Variants in NR5A2 observed in about 807,000 individuals in gnomAD.
The protein encoded by NR5A2 is nuclear receptor subfamily 5 group A member 2, also known as CYP7A promoter-binding factor.
Under a neutral mutation model 62.7 loss-of-function variants are expected in NR5A2, and 26 were observed. That is an observed-to-expected ratio of 0.41 (90% CI 0.30 to 0.58). The LOEUF is 0.58. Among genes scored for constraint, NR5A2 ranks in the 20% least tolerant of loss-of-function variants. The pLI, the probability that NR5A2 is intolerant of heterozygous loss-of-function variation, is 0.22. For synonymous variants in NR5A2, 246 were observed against 241.7 expected (o/e 1.02, Z -0.16); for missense variants, 541 against 669.1 (o/e 0.81, Z 2.11).
At chr1:200,133,542 TATATACAC>T (rs1409923035) in intron 7 of NR5A2, among the ~76,000 whole-genome samples, 1,670 of 54,096 alleles carry the variant, frequency 0.031, 26 homozygotes, top group African/African-American at 0.073. Flanking sequence ...CACATATATA[TATATACAC>T]ATATATACAC....
intron 7 of NR5A2, among the ~76,000 whole-genome samples, chr1:200,162,396 A>G (rs1008744516): frequency 6.6e-6 from 1 of 152,188 alleles, no homozygotes; most frequent in Non-Finnish European, 1.5e-5. Context: ...GGCCAGGCAC[A>G]TTCAAGAAAC....
intron 5 of NR5A2, among the ~76,000 whole-genome samples, chr1:200,049,185 A>G (rs1241141730): frequency 6.6e-6 from 1 of 152,202 alleles, no homozygotes; most frequent in Non-Finnish European, 1.5e-5. Context: ...GAAAATTACC[A>G]TGTAAAGAGC....
At chr1:200,070,736 G>T (rs1157404131) in intron 5 of NR5A2, among the ~76,000 whole-genome samples, 1 of 150,442 alleles carries the variant, frequency 6.6e-6, no homozygotes, top group Admixed American at 6.6e-5. Context: ...TCAAAAATCT[G>T]TTCCAACCCC....
chr1:200,142,380 A>G (rs777356191), intron 7 of NR5A2, among the ~76,000 whole-genome samples: 1 of 151,096 alleles, frequency 6.6e-6, no homozygotes, highest in Non-Finnish European at 1.5e-5. Context: ...TTGTATTTTT[A>G]TAGAGATGGG....
chr1:200,030,832 A>C (rs1373138647), intron 1 of NR5A2, among the ~76,000 whole-genome samples: 1 of 152,234 alleles, frequency 6.6e-6, no homozygotes, highest in Non-Finnish European at 1.5e-5. Flanking sequence ...TTAGGGGTAC[A>C]TGATACACAG....
chr1:200,070,236 T>C (rs1663675462), intron 5 of NR5A2, among the ~76,000 whole-genome samples: 2 of 152,210 alleles, frequency 1.3e-5, no homozygotes, highest in South Asian at 2.1e-4. Flanking sequence ...AGCCCCTTTG[T>C]GCATTTGCTG....
intron 5 of NR5A2, among the ~76,000 whole-genome samples, chr1:200,063,903 C>A (rs1341299589): frequency 6.6e-6 from 1 of 152,160 alleles, no homozygotes; most frequent in Non-Finnish European, 1.5e-5. Context: ...AATCCCAGCA[C>A]TTTGGGAGGC....
intron 5 of NR5A2, among the ~76,000 whole-genome samples, chr1:200,077,777 C>T (rs1011826143): frequency 1.8e-4 from 28 of 152,160 alleles, no homozygotes; most frequent in Admixed American, 7.9e-4. Context: ...TTGTGTGGTT[C>T]CGTCTTCCTC....
At chr1:200,078,023 GTAAAGAAGCTAGT>G (rs1227169347) in intron 5 of NR5A2, among the ~76,000 whole-genome samples, 1 of 152,148 alleles carries the variant, frequency 6.6e-6, no homozygotes, top group African/African-American at 2.4e-5. Flanking sequence ...ATAGTCCCAG[GTAAAGAAGCTAGT>G]TAAAGAAAGT....
At chr1:200,028,425 C>CAAAAA (rs67706127) in intron 1 of NR5A2, among the ~76,000 whole-genome samples, 44 of 83,582 alleles carry the variant, frequency 5.3e-4, no homozygotes, top group African/African-American at 1.5e-3. Context: ...CCCCCACCTC[C>CAAAAA]AAAAAAAAAA....
At chr1:200,046,195 A>G (rs1310130512) in intron 4 of NR5A2, among the ~76,000 whole-genome samples, 1 of 152,200 alleles carries the variant, frequency 6.6e-6, no homozygotes, top group Non-Finnish European at 1.5e-5. Flanking sequence ...ATAACGAACT[A>G]TTAAATCATT....
In NR5A2 at chr1:200,175,775, A is replaced by G. The variant is rs1654391909; in HGVS notation, c.*1565A>G. On this transcript the variant is annotated 3_prime_UTR_variant, in exon 8 of 8. Transcript: ENST00000367362. The stretch of plus-strand genomic sequence containing the variant: ...TATGTCGTGAGACACTAAAATCAAA[A>G]ACGGGAATCTCATTTAGACTTTAAT... The G allele has an allele frequency of 6.6e-6, 1 of 152,590 alleles. No individual in the cohort carries two copies. Among genetic ancestry groups the G allele is most frequent in the African/African-American group, 2.4e-5 (1 of 41,458 alleles). The allele number at this position is 152,590 out of a possible 1,614,324, so 9.5% of individuals were successfully genotyped here. A position where few individuals can be genotyped will look rare whatever the true frequency, so the allele number is the denominator to read the frequency against.
At chr1:200,069,931 G>T (rs1341542407) in intron 5 of NR5A2, among the ~76,000 whole-genome samples, 1 of 152,092 alleles carries the variant, frequency 6.6e-6, no homozygotes, top group Non-Finnish European at 1.5e-5. Context: ...TTTAAAATAG[G>T]ATGTTAGAGA....
intron 2 of NR5A2, among the ~76,000 whole-genome samples, chr1:200,040,371 C>T (rs1662007027): frequency 6.6e-6 from 1 of 152,196 alleles, no homozygotes; most frequent in African/African-American, 2.4e-5. Context: ...CAAGTTACCC[C>T]AACCCCATCC....
chr1:200,171,464 C>T (rs928845058), intron 7 of NR5A2, among the ~76,000 whole-genome samples: 3 of 152,048 alleles, frequency 2.0e-5, no homozygotes, highest in African/African-American at 7.2e-5. Context: ...AATTAACCAT[C>T]GAGGCTGGAC....
At chr1:200,164,198 T>G (rs1653786744) in intron 7 of NR5A2, among the ~76,000 whole-genome samples, 1 of 152,214 alleles carries the variant, frequency 6.6e-6, no homozygotes, top group Non-Finnish European at 1.5e-5. Flanking sequence ...GCCAACACCA[T>G]GCTTCCTGTA....
At chr1:200,052,740 C>G (rs748549799) in intron 5 of NR5A2, among the ~76,000 whole-genome samples, 3 of 151,764 alleles carry the variant, frequency 2.0e-5, no homozygotes, top group Non-Finnish European at 2.9e-5. Flanking sequence ...CTCTTGGGTT[C>G]ACGCCATTCT....
intron 5 of NR5A2, among the ~76,000 whole-genome samples, chr1:200,063,343 A>G (rs1214713570): frequency 6.6e-6 from 1 of 150,942 alleles, no homozygotes; most frequent in African/African-American, 2.4e-5. Context: ...TACTTTTAGT[A>G]GAGACGGGGT....
intron 7 of NR5A2, among the ~76,000 whole-genome samples, chr1:200,155,975 A>G (rs1374245977): frequency 1.3e-5 from 2 of 152,016 alleles, no homozygotes; most frequent in Non-Finnish European, 2.9e-5. Flanking sequence ...GCCTGGCCCA[A>G]AAATCAAATT....
Sources: gnomAD v4.1 joint callset for allele counts (sites outside exome capture counted in the v4.1 genomes callset) on GRCh38, gnomAD v4.1.1 for gene constraint, MANE v1.5 for transcripts, NCBI Gene and HGNC (gene_info 2026-07-23, HGNC 2026-07-21) for gene names.